The following DNAJA2 variants were observed in gnomAD, a reference collection of about 807,000 sequenced individuals.
DNAJA2 encodes DnaJ heat shock protein family (Hsp40) member A2.
DNAJA2 carries 6 observed loss-of-function variants against 49.3 expected under a neutral mutation model. The observed-to-expected ratio is 0.12, with a 90% CI of 0.07 to 0.24. The LOEUF (loss-of-function observed/expected upper bound fraction) is 0.24, where lower values mean the gene tolerates loss of function less well. Ranked by LOEUF, DNAJA2 falls within the 10% of genes least tolerant of loss-of-function variation. The probability of loss-of-function intolerance (pLI) is 1.00; values close to 1 mark genes in which losing one functional copy is unlikely to be tolerated. For synonymous variants in DNAJA2, 160 were observed against 172.7 expected, an observed-to-expected ratio of 0.93 and a Z score of 0.58; for missense variants, 347 against 516.8, an observed-to-expected ratio of 0.67 and a Z score of 3.19.
chr16:46,967,830 C>T (rs1158440089), intron 4 of DNAJA2, among the ~76,000 whole-genome samples, 184 bp from the exon 5 acceptor site: 1 of 152,096 alleles, frequency 6.6e-6, no homozygotes, highest in African/African-American at 2.4e-5. Flanking sequence ...GATGGAGTCT[C>T]ACTCTGTCAC....
At chr16:46,968,659 G>A (rs983112268) in intron 3 of DNAJA2, among the ~76,000 whole-genome samples, 13 of 152,138 alleles carry the variant, frequency 8.5e-5, no homozygotes, top group Admixed American at 8.5e-4. Context: ...AGGCTACAAA[G>A]TTATATTTCG....
intron 6 of DNAJA2, among the ~76,000 whole-genome samples, 180 bp downstream of exon 6, chr16:46,964,431 T>C (rs972187396): frequency 6.6e-6 from 1 of 152,182 alleles, no homozygotes; most frequent in South Asian, 2.1e-4. Context: ...TGCTTCTAAC[T>C]GCACCTGCCT....
intron 1 of DNAJA2, 36 bp downstream of exon 1, chr16:46,973,459 G>A (rs1215399084): frequency 6.4e-7 from 1 of 1,564,716 alleles, no homozygotes; most frequent in Non-Finnish European, 8.6e-7. Context: ...CGCAGGCCCC[G>A]CGCCCCTCAC....
chr16:46,969,038 C>T (rs568453112), intron 3 of DNAJA2, among the ~76,000 whole-genome samples: 21 of 152,238 alleles, frequency 1.4e-4, no homozygotes, highest in African/African-American at 5.1e-4. Context: ...CAGAGTGAGA[C>T]AAGTACTTAT....
In DNAJA2 at chr16:46,956,826, G is replaced by A. The variant is rs563850893; in HGVS notation, c.*203C>T. 173 of 588,056 alleles carry A rather than the reference G, an allele frequency of 2.9e-4. 3 individuals are homozygous for A. In the South Asian group the frequency reaches 3.6e-3, roughly 12 times the overall value. The allele number at this position is 588,056 out of a possible 1,614,324, so 36.4% of individuals were successfully genotyped here. A position where few individuals can be genotyped will look rare whatever the true frequency, so the allele number is the denominator to read the frequency against. The stretch of plus-strand genomic sequence containing the variant: ...CTTTCAAGTGCTTTATTCTGCTATG[G>A]AACAGTCAAAATGAAGATGTAAAGC... On this transcript the variant is annotated 3_prime_UTR_variant, in exon 9 of 9. Transcript: ENST00000317089.
At chr16:46,967,940 C>A (rs1961995675) in intron 4 of DNAJA2, 144 bp downstream of exon 4, 1 of 854,792 alleles carries the variant, frequency 1.2e-6, no homozygotes, top group Non-Finnish European at 1.8e-6. Context: ...GACTCGGCCT[C>A]CCAAAGTGCT....
At chr16:46,963,176 G>A (rs1280920141) in intron 6 of DNAJA2, among the ~76,000 whole-genome samples, 1 of 152,180 alleles carries the variant, frequency 6.6e-6, no homozygotes, top group African/African-American at 2.4e-5. Context: ...AACCTGTGAT[G>A]TAATGATTTT....
At chr16:46,958,589 C>CA (rs55985650) in intron 8 of DNAJA2, 7,242 of 147,070 alleles carry the variant, frequency 0.049, 226 homozygotes, top group African/African-American at 0.074. Flanking sequence ...AACAAACAAA[C>CA]AAAAAAACCC....
At chr16:46,970,869 T>C (rs1304611744) in intron 3 of DNAJA2, among the ~76,000 whole-genome samples, 1 of 145,036 alleles carries the variant, frequency 6.9e-6, no homozygotes, top group Non-Finnish European at 1.5e-5. Flanking sequence ...AGAAACCCCA[T>C]CTCTTCTAAA....
intron 6 of DNAJA2, among the ~76,000 whole-genome samples, chr16:46,963,077 T>C (rs1316770216): frequency 6.6e-6 from 1 of 152,220 alleles, no homozygotes; most frequent in African/African-American, 2.4e-5. Flanking sequence ...GAATAACCTT[T>C]CACTGAACAT....
intron 6 of DNAJA2, among the ~76,000 whole-genome samples, chr16:46,961,245 T>C (rs987022238): frequency 4.6e-5 from 7 of 151,908 alleles, no homozygotes; most frequent in Non-Finnish European, 4.4e-5. Context: ...CTGGGTGTGG[T>C]GGCATGAGCC....
intron 6 of DNAJA2, among the ~76,000 whole-genome samples, chr16:46,962,831 A>G (rs1961918101): frequency 6.6e-6 from 1 of 152,218 alleles, no homozygotes; most frequent in Admixed American, 6.5e-5. Context: ...AAAGCTGACT[A>G]GCATGCCCTG....
chr16:46,958,733 T>A, intron 8 of DNAJA2: 1 of 318,380 alleles, frequency 3.1e-6, no homozygotes, highest in Non-Finnish European at 5.8e-6. Flanking sequence ...GAGCCGAGAC[T>A]ACACCACTGC....
rs1962088929 is a variant in DNAJA2, at chr16:46,973,507, G to A, written c.66C>T (p.Asn22=). The A allele has an allele frequency of 1.9e-6, 3 of 1,602,732 alleles. No individual in the cohort carries two copies. The highest frequency in any genetic ancestry group is 2.7e-5 in the African/African-American group (2 of 73,836). ...CGCTCCCAGATACCTTCTTCAGCTC[G>A]TTCTCGCTGGCGCCGGGCGGGACGC... is the stretch of plus-strand genomic sequence containing the variant. ...ILGVPPGASE[N]ELKKAYRKLA... is the part of the protein sequence containing the mutation. Residue 22 remains asparagine, a synonymous_variant, in exon 1 of 9, where the codon AAC becomes AAT. Transcript: ENST00000317089.
At chr16:46,968,825 T>C (rs895287176) in intron 3 of DNAJA2, among the ~76,000 whole-genome samples, 1 of 152,126 alleles carries the variant, frequency 6.6e-6, no homozygotes, top group African/African-American at 2.4e-5. Context: ...GGAGGGAGGA[T>C]TGCTTGAGCC....
rs10523905 is a variant in DNAJA2, at chr16:46,970,730, C to CAAAAAAAAAAAAAAAAAA, written c.362+601_362+618dup. ...AACCCGGGCGACAGGGACTCCATTT[C>CAAAAAAAAAAAAAAAAAA]AAAAAAAAAAAAAAAAAAAAAAAAA... On this transcript the variant is annotated intron_variant, in intron 3 of 8. Transcript: ENST00000317089. Among the ~76,000 whole-genome samples, 20 of 32,200 alleles carry CAAAAAAAAAAAAAAAAAA rather than the reference C, an allele frequency of 6.2e-4. 6 individuals carry two copies. The highest frequency in any genetic ancestry group is 4.5e-3 in the South Asian group (2 of 444). The allele number at this position is 32,200 out of a possible 152,430, so 21.1% of individuals were successfully genotyped here. A position where few individuals can be genotyped will look rare whatever the true frequency, so the allele number is the denominator to read the frequency against.
chr16:46,971,338 A>T lies in DNAJA2; in HGVS notation c.362+11T>A. On this transcript the variant is annotated intron_variant, in intron 3 of 8. Coordinates refer to ENST00000317089, the MANE Select transcript of DNAJA2 (RefSeq NM_005880.4). ...ACTTAATTTTTTAAAACAACAAAAC[A>T]AGATATTCACTTGAGTGGATGCATC... The T allele has an allele frequency of 1.9e-6, 3 of 1,599,926 alleles. No homozygotes were observed. Among genetic ancestry groups the T allele is most frequent in the Non-Finnish European group, 2.6e-6 (3 of 1,174,268 alleles).
intron 6 of DNAJA2, among the ~76,000 whole-genome samples, chr16:46,964,016 G>A (rs1961934786): frequency 6.6e-6 from 1 of 152,158 alleles, no homozygotes; most frequent in Admixed American, 6.5e-5. Flanking sequence ...AGGCTGCAGT[G>A]AGCCAAGATC....
intron 6 of DNAJA2, among the ~76,000 whole-genome samples, chr16:46,961,084 A>G (rs1961889379): frequency 6.6e-6 from 1 of 152,182 alleles, no homozygotes; most frequent in Admixed American, 6.5e-5. Flanking sequence ...CCATCTTACC[A>G]AATATCCTTT....
Sources: gnomAD v4.1 joint callset for allele counts (sites outside exome capture counted in the v4.1 genomes callset) on GRCh38, gnomAD v4.1.1 for gene constraint, MANE v1.5 for transcripts, NCBI Gene and HGNC (gene_info 2026-07-23, HGNC 2026-07-21) for gene names.